KCNIP4: variants seen among roughly 807,000 people sequenced by gnomAD.
The protein encoded by KCNIP4 is potassium voltage-gated channel interacting protein 4.
A neutral mutation model predicts 34.0 loss-of-function variants in KCNIP4; 12 were observed. The ratio of observed to expected loss-of-function variants is 0.35; its 90% CI spans 0.23 to 0.57. The LOEUF (loss-of-function observed/expected upper bound fraction) is 0.57, where lower values mean the gene tolerates loss of function less well. KCNIP4 is among the 20% of genes least tolerant of loss of function. The pLI is 0.83. For synonymous variants in KCNIP4, 124 were observed against 102.2 expected, an observed-to-expected ratio of 1.21 and a Z score of -1.29; for missense variants, 238 against 311.7, an observed-to-expected ratio of 0.76 and a Z score of 1.78.
chr4:20,959,788 A>C (rs1733674974), intron 1 of KCNIP4, among the ~76,000 whole-genome samples: 1 of 152,234 alleles, frequency 6.6e-6, no homozygotes, highest in Non-Finnish European at 1.5e-5. Context: ...GAGCTCTGCA[A>C]GGAGACCATG....
At position 21,778,404 on chromosome 4, in the gene KCNIP4, A is replaced by G. The variant is rs1460683712; in HGVS notation, c.61+170167T>C. 4.6e-5 allele frequency among the ~76,000 whole-genome samples: 7 copies of G among 150,832 alleles called. No individual in the cohort carries two copies. The South Asian group carries it at 8.4e-4, about 18-fold the overall frequency. On this transcript the variant is annotated intron_variant, in intron 1 of 8. Coordinates refer to ENST00000382152, the MANE Select transcript of KCNIP4 (RefSeq NM_025221.6). ...TGCACGCCACCACACTGAGCAATGA[A>G]AAAAAAAACTGGTAGAAATGGGATC...
At chr4:21,263,016 C>T (rs1761571181) in intron 1 of KCNIP4, among the ~76,000 whole-genome samples, 1 of 152,202 alleles carries the variant, frequency 6.6e-6, no homozygotes. Flanking sequence ...TCCCCCTGTT[C>T]ATCCAGGCTG....
intron 3 of KCNIP4, among the ~76,000 whole-genome samples, chr4:20,801,589 T>G (rs1480134353): frequency 6.6e-6 from 1 of 152,124 alleles, no homozygotes; most frequent in Non-Finnish European, 1.5e-5. Context: ...TTGTATGTGA[T>G]AGAAGTTAAG....
At chr4:21,689,457 C>CA (rs1199088977) in intron 1 of KCNIP4, among the ~76,000 whole-genome samples, 1 of 151,812 alleles carries the variant, frequency 6.6e-6, no homozygotes. Context: ...TTGGTCTTCC[C>CA]AATTGTGAGG....
intron 1 of KCNIP4, among the ~76,000 whole-genome samples, chr4:21,939,831 G>A (rs753954884): frequency 6.6e-6 from 1 of 152,182 alleles, no homozygotes; most frequent in African/African-American, 2.4e-5. Flanking sequence ...TGAGCAGAAT[G>A]TGACTTTCAC....
At chr4:20,957,404 T>C (rs1323456894) in intron 1 of KCNIP4, among the ~76,000 whole-genome samples, 2 of 152,230 alleles carry the variant, frequency 1.3e-5, no homozygotes, top group African/African-American at 2.4e-5. Flanking sequence ...TCCCATTTTA[T>C]AGTTCTGGAA....
At chr4:21,755,913 A>C (rs1041570072) in intron 1 of KCNIP4, among the ~76,000 whole-genome samples, 15 of 152,154 alleles carry the variant, frequency 9.9e-5, no homozygotes, top group African/African-American at 7.2e-5. Flanking sequence ...GGTTGTATTG[A>C]TATAATAAAT....
intron 3 of KCNIP4, chr4:20,767,482 A>G (rs1294628030): frequency 6.6e-6 from 1 of 152,210 alleles, no homozygotes; most frequent in Non-Finnish European, 1.5e-5. Flanking sequence ...AGATCCATGT[A>G]TGCATAGGAA....
chr4:21,636,137 T>G (rs190217202), intron 1 of KCNIP4, among the ~76,000 whole-genome samples: 20,966 of 87,318 alleles, frequency 0.24, 2,153 homozygotes, highest in South Asian at 0.3. Flanking sequence ...TGGGGACTGT[T>G]GTGGGGTGGG....
intron 1 of KCNIP4, among the ~76,000 whole-genome samples, chr4:21,167,990 G>A (rs1180467949): frequency 6.6e-6 from 1 of 152,160 alleles, no homozygotes; most frequent in African/African-American, 2.4e-5. Flanking sequence ...AAATCAAAGT[G>A]TCCTATCACT....
chr4:21,479,996 G>A (rs1440118859), intron 1 of KCNIP4, among the ~76,000 whole-genome samples: 1 of 151,006 alleles, frequency 6.6e-6, no homozygotes, highest in Non-Finnish European at 1.5e-5. Flanking sequence ...ACACAAAAGA[G>A]ATTTTATTAT....
At chr4:21,181,231 G>T (rs1009641851) in intron 1 of KCNIP4, among the ~76,000 whole-genome samples, 4 of 152,082 alleles carry the variant, frequency 2.6e-5, no homozygotes, top group African/African-American at 7.2e-5. Flanking sequence ...AAGATAGGGT[G>T]ACAAGTTTTT....
At position 20,992,006 on chromosome 4, in the gene KCNIP4, A is replaced by G. The variant is rs144821099; in HGVS notation, c.62-109297T>C. On this transcript the variant is annotated intron_variant, in intron 1 of 8. Coordinates refer to ENST00000382152, the MANE Select transcript of KCNIP4 (RefSeq NM_025221.6). ...ACCACAACAGTACTTGGGAAACAGA[A>G]CCCAGCAGGCTTTGGCTTAAATGCT... 2.8e-3 allele frequency among the ~76,000 whole-genome samples: 427 copies of G among 152,326 alleles called. 3 individuals carry two copies. Among genetic ancestry groups the G allele is most frequent in the African/African-American group, 9.4e-3 (390 of 41,576 alleles).
intron 1 of KCNIP4, among the ~76,000 whole-genome samples, chr4:21,111,723 G>T (rs895685592): frequency 2.0e-5 from 3 of 152,160 alleles, no homozygotes; most frequent in Non-Finnish European, 4.4e-5. Context: ...AGGGGTCAGG[G>T]GTGGCTCAGA....
At chr4:21,460,086 TG>T (rs1164646083) in intron 1 of KCNIP4, among the ~76,000 whole-genome samples, 1 of 146,574 alleles carries the variant, frequency 6.8e-6, no homozygotes, top group Non-Finnish European at 1.5e-5. Flanking sequence ...TACAAGGCCT[TG>T]CAAAATCTGC....
intron 1 of KCNIP4, among the ~76,000 whole-genome samples, chr4:21,406,936 A>G (rs35488006): frequency 0.21 from 31,532 of 152,132 alleles, 3,705 homozygotes; most frequent in Middle Eastern, 0.3. Flanking sequence ...ATTTTAATAA[A>G]TACTGATTTT....
intron 1 of KCNIP4, among the ~76,000 whole-genome samples, chr4:21,540,308 C>T (rs751292149): frequency 6.6e-6 from 1 of 152,104 alleles, no homozygotes; most frequent in Non-Finnish European, 1.5e-5. Flanking sequence ...TTATAGTATA[C>T]GGTCACACTG....
chr4:21,502,813 C>T (rs989854157), intron 1 of KCNIP4, among the ~76,000 whole-genome samples: 2 of 152,138 alleles, frequency 1.3e-5, no homozygotes, highest in South Asian at 4.1e-4. Flanking sequence ...CTCACTATAA[C>T]CCTTAGCATG....
At chr4:21,144,796 C>A (rs945756291) in intron 1 of KCNIP4, among the ~76,000 whole-genome samples, 2 of 152,082 alleles carry the variant, frequency 1.3e-5, no homozygotes, top group Non-Finnish European at 2.9e-5. Context: ...CTTTCTATAT[C>A]CATTGGTTAT....
Sources: gnomAD v4.1 joint callset for allele counts (sites outside exome capture counted in the v4.1 genomes callset) on GRCh38, gnomAD v4.1.1 for gene constraint, MANE v1.5 for transcripts, NCBI Gene and HGNC (gene_info 2026-07-23, HGNC 2026-07-21) for gene names.